SLC39A9: variants seen among roughly 807,000 people sequenced by gnomAD.
SLC39A9 encodes the protein zinc transporter ZIP9.
In SLC39A9, 14 loss-of-function variants were observed where a neutral mutation model predicts 28.4. The observed-to-expected ratio is 0.49, with a 90% CI of 0.33 to 0.77. The LOEUF (loss-of-function observed/expected upper bound fraction) is 0.77, where lower values mean the gene tolerates loss of function less well. Among genes scored for constraint, SLC39A9 ranks in the 30% least tolerant of loss-of-function variants. SLC39A9 has a pLI of 0.02. For synonymous variants in SLC39A9, 119 were observed against 149.6 expected, an observed-to-expected ratio of 0.80 and a Z score of 1.49; for missense variants, 283 against 381.1, an observed-to-expected ratio of 0.74 and a Z score of 2.14.
intron 1 of SLC39A9, among the ~76,000 whole-genome samples, chr14:69,406,019 T>C (rs1198020992): frequency 6.6e-6 from 1 of 152,206 alleles, no homozygotes; most frequent in Non-Finnish European, 1.5e-5. Context: ...TCATTTTGAT[T>C]CCTGTTGCCA....
At chr14:69,453,402 C>A in intron 4 of SLC39A9, 93 bp downstream of exon 4, 3 of 1,175,420 alleles carry the variant, frequency 2.6e-6, no homozygotes, top group South Asian at 1.3e-5. Context: ...ATTGAATGCT[C>A]TTGGACTGGC....
intron 3 of SLC39A9, among the ~76,000 whole-genome samples, chr14:69,447,555 C>G (rs990615403): frequency 6.6e-6 from 1 of 152,222 alleles, no homozygotes. Flanking sequence ...TGAACTGCCT[C>G]GGTCTCCAGC....
chr14:69,404,804 C>T (rs1448927936), intron 1 of SLC39A9, among the ~76,000 whole-genome samples: 8 of 151,404 alleles, frequency 5.3e-5, no homozygotes, highest in South Asian at 4.2e-4. Flanking sequence ...ATTATACTTA[C>T]TCTCATTTTA....
At chr14:69,452,326 GTTTT>G (rs572981262) in intron 3 of SLC39A9, among the ~76,000 whole-genome samples, 300 of 151,916 alleles carry the variant, frequency 2.0e-3, no homozygotes, top group African/African-American at 6.8e-3. Context: ...AGGGTGGTGG[GTTTT>G]TTGTTTGTTT....
intron 3 of SLC39A9, among the ~76,000 whole-genome samples, chr14:69,448,988 A>T (rs1566923983): frequency 6.6e-6 from 1 of 151,674 alleles, no homozygotes; most frequent in African/African-American, 2.4e-5. Flanking sequence ...GGATGTATGA[A>T]TTTTTTTTTA....
chr14:69,448,214 C>CAAAAAAA (rs34195562), intron 3 of SLC39A9, among the ~76,000 whole-genome samples: 1 of 87,226 alleles, frequency 1.1e-5, no homozygotes, highest in Non-Finnish European at 2.1e-5. Flanking sequence ...GACTCTGTCT[C>CAAAAAAA]AAAAAAAAAA....
chr14:69,458,774 C>G lies in SLC39A9; in HGVS notation c.*181C>G. The G allele has an allele frequency of 7.3e-7, 1 of 1,366,934 alleles. No individual in the cohort carries two copies. Among genetic ancestry groups the G allele is most frequent in the Non-Finnish European group, 9.4e-7 (1 of 1,061,344 alleles). The allele number at this position is 1,366,934 out of a possible 1,614,324, so 84.7% of individuals were successfully genotyped here. A position where few individuals can be genotyped will look rare whatever the true frequency, so the allele number is the denominator to read the frequency against. ...AATGGAAAAGCTTTTAGAGTAGAAA[C>G]ACATTTACGTTGCAGTTAGCTATAG... is the stretch of plus-strand genomic sequence containing the variant. On this transcript the variant is annotated 3_prime_UTR_variant, in exon 7 of 7. Coordinates refer to ENST00000336643, the MANE Select transcript of SLC39A9 (RefSeq NM_018375.5).
chr14:69,407,366 T>G (rs1475448907), intron 1 of SLC39A9, among the ~76,000 whole-genome samples: 7 of 147,318 alleles, frequency 4.8e-5, no homozygotes. Context: ...CTTCCAAATT[T>G]CACTCTTGTT....
chr14:69,441,686 C>T, intron 2 of SLC39A9: 1 of 467,214 alleles, frequency 2.1e-6, no homozygotes, highest in Non-Finnish European at 2.8e-6. Context: ...TGTTACTGCT[C>T]TTCATTTGCC....
At chr14:69,429,030 G>A (rs1330211663) in intron 2 of SLC39A9, 3 of 152,100 alleles carry the variant, frequency 2.0e-5, no homozygotes, top group African/African-American at 7.2e-5. Flanking sequence ...GAAAGTTTTG[G>A]GCATCAGCTT....
rs1885073507 is a variant in SLC39A9, at chr14:69,442,072, A to G, written c.209A>G (p.Lys70Arg). 1 of 1,614,020 alleles carries G rather than the reference A, an allele frequency of 6.2e-7. No homozygotes were observed. Among genetic ancestry groups the G allele is most frequent in the South Asian group, 1.1e-5 (1 of 91,060 alleles). ...HALYEDILEG[K>R]HHQASETHNV... Reference sequence around the variant, plus strand: ...TTTATGGTTTATTCTGCTCTAGGAAAACACCACCAAGCAAGTGAAACACAT... The same window carrying G: ...TTTATGGTTTATTCTGCTCTAGGAAGACACCACCAAGCAAGTGAAACACAT... The change falls in exon 3 of 7, where the codon AAA (lysine) becomes AGA (arginine). Residue 70 changes from lysine to arginine, a missense_variant. Coordinates refer to ENST00000336643, the MANE Select transcript of SLC39A9 (RefSeq NM_018375.5).
At chr14:69,404,683 G>T (rs1284292836) in intron 1 of SLC39A9, among the ~76,000 whole-genome samples, 1 of 152,170 alleles carries the variant, frequency 6.6e-6, no homozygotes, top group African/African-American at 2.4e-5. Context: ...AGGTCTTGTT[G>T]TGGGGTTTGG....
intron 2 of SLC39A9, among the ~76,000 whole-genome samples, chr14:69,425,765 C>T (rs1173655944): frequency 1.3e-5 from 2 of 151,956 alleles, no homozygotes; most frequent in Non-Finnish European, 2.9e-5. Flanking sequence ...TTAAGCAATC[C>T]TCCCACCTCA....
chr14:69,437,231 A>C (rs548694825), intron 2 of SLC39A9, among the ~76,000 whole-genome samples: 2 of 152,128 alleles, frequency 1.3e-5, no homozygotes, highest in Admixed American at 1.3e-4. Flanking sequence ...TGTTGCCACC[A>C]TGCAGTTCTG....
chr14:69,408,390 G>T (rs1446549826), intron 1 of SLC39A9, among the ~76,000 whole-genome samples: 1 of 152,154 alleles, frequency 6.6e-6, no homozygotes, highest in Non-Finnish European at 1.5e-5. Flanking sequence ...AAAGGACCCT[G>T]ACTGATAGAG....
chr14:69,445,433 C>G (rs893999162), intron 3 of SLC39A9, among the ~76,000 whole-genome samples: 1 of 152,070 alleles, frequency 6.6e-6, no homozygotes, highest in African/African-American at 2.4e-5. Flanking sequence ...TTTCTTTTAC[C>G]TAGCTTACTT....
chr14:69,422,117 G>T (rs1006949961), intron 1 of SLC39A9, among the ~76,000 whole-genome samples: 6 of 152,168 alleles, frequency 3.9e-5, no homozygotes, highest in Non-Finnish European at 7.4e-5. Context: ...GACCGGAATT[G>T]TTCCTATTCG....
intron 1 of SLC39A9, among the ~76,000 whole-genome samples, chr14:69,410,866 A>T (rs11845201): frequency 0.033 from 4,978 of 151,318 alleles, 294 homozygotes; most frequent in African/African-American, 0.11. Flanking sequence ...CACTTTGACT[A>T]CTAAAATGGG....
At chr14:69,452,976 A>G (rs1476470071) in intron 3 of SLC39A9, among the ~76,000 whole-genome samples, 1 of 152,192 alleles carries the variant, frequency 6.6e-6, no homozygotes. Flanking sequence ...GGCTGAGTCA[A>G]ATGAAGAGTT....
Sources: allele counts gnomAD v4.1 joint callset (sites outside exome capture counted in the v4.1 genomes callset), GRCh38; gene constraint gnomAD v4.1.1; transcripts MANE v1.5; gene names NCBI Gene and HGNC (gene_info 2026-07-23, HGNC 2026-07-21).